Variants in MORC3 observed in about 807,000 individuals in gnomAD.
MORC3 encodes MORC family CW-type zinc finger 3.
MORC3 carries 31 observed loss-of-function variants against 109.1 expected under a neutral mutation model. The ratio of observed to expected loss-of-function variants is 0.28; its 90% CI spans 0.21 to 0.38. The LOEUF (loss-of-function observed/expected upper bound fraction) is 0.38, where lower values mean the gene tolerates loss of function less well. Ranked by LOEUF, MORC3 falls within the 10% of genes least tolerant of loss-of-function variation. MORC3 has a pLI of 1.00. For synonymous variants in MORC3, 395 were observed against 380.7 expected, an observed-to-expected ratio of 1.04 and a Z score of -0.44; for missense variants, 867 against 1,135.8, an observed-to-expected ratio of 0.76 and a Z score of 3.40.
chr21:36,337,156 G>A (rs528811420), intron 3 of MORC3, 150 bp downstream of exon 3: 9 of 894,368 alleles, frequency 1.0e-5, no homozygotes, highest in South Asian at 8.5e-5. Flanking sequence ...TTCTACTACT[G>A]GTAGATGATG....
chr21:36,366,064 A>G (rs1475832104), intron 14 of MORC3, among the ~76,000 whole-genome samples: 1 of 152,204 alleles, frequency 6.6e-6, no homozygotes, highest in African/African-American at 2.4e-5. Context: ...GATTCAGGGT[A>G]CATGCAGGTT....
Position 36,320,277 on chromosome 21 carries a change from C to A in MORC3, c.13C>A (p.Pro5Thr). 6.3e-7 allele frequency: 1 copy of A among 1,579,662 alleles called. No homozygotes were observed. Among genetic ancestry groups the A allele is most frequent in the Non-Finnish European group, 8.6e-7 (1 of 1,164,630 alleles). Residue 5 changes from proline (P) to threonine (T), a missense_variant, in exon 1 of 17, where the codon CCA becomes ACA. Pro to Thr is a conservative substitution (Grantham distance 38). This residue lies in a region of MORC3 where 33 missense variants were observed against 18.5 expected (regional missense o/e 1.78). Coordinates refer to ENST00000400485, the MANE Select transcript of MORC3 (RefSeq NM_015358.3). The stretch of plus-strand genomic sequence containing the variant: ...TAGCTCGCTCAAGATGGCGGCGCAG[C>A]CACCCCGCGGGATACGCCTCAGCGC... MAAQPPRGIRLSALC... is the reference protein window; with the variant it reads MAAQTPRGIRLSALC...
chr21:36,343,783 T>C (rs2085478198), intron 6 of MORC3, among the ~76,000 whole-genome samples: 1 of 152,128 alleles, frequency 6.6e-6, no homozygotes, highest in Non-Finnish European at 1.5e-5. Flanking sequence ...TATTATTCTT[T>C]AATCCCAAGC....
intron 2 of MORC3, among the ~76,000 whole-genome samples, chr21:36,335,508 G>T (rs894318709): frequency 6.6e-6 from 1 of 151,920 alleles, no homozygotes. Context: ...TAGAGACAGG[G>T]TTTCACCATA....
At position 36,370,639 on chromosome 21, in the gene MORC3, A is replaced by ATT. The variant is rs869169013; in HGVS notation, c.2508+794_2508+795dup. ...TATATATATATATATATATATATAT[A>ATT]TTTTTTTTTTTTTTTTTTTTTTTTT... On this transcript the variant is annotated intron_variant, in intron 15 of 16. Transcript: ENST00000400485. Among the ~76,000 whole-genome samples the ATT allele has an allele frequency of 4.9e-3, 182 of 37,522 alleles. 9 individuals are homozygous for ATT. The highest frequency in any genetic ancestry group is 8.3e-3 in the Non-Finnish European group (160 of 19,262). 24.6% of individuals were successfully genotyped at this position (37,522 alleles called of 152,430 possible).
At chr21:36,353,709 T>G (rs1390277374) in intron 9 of MORC3, among the ~76,000 whole-genome samples, 1 of 149,142 alleles carries the variant, frequency 6.7e-6, no homozygotes, top group Non-Finnish European at 1.5e-5. Flanking sequence ...GCCTCCCAAG[T>G]AGCTGGGATT....
intron 1 of MORC3, 77 bp from the exon 2 acceptor site, chr21:36,333,569 A>G: frequency 8.3e-7 from 1 of 1,199,964 alleles, no homozygotes; most frequent in Non-Finnish European, 1.2e-6. Flanking sequence ...GTTGTTTAAC[A>G]CAGGGATAAA....
rs114436581 is a variant in MORC3 at position 36,338,271 on chromosome 21, T to C, written c.460+325T>C. 3.9e-3 allele frequency among the ~76,000 whole-genome samples: 600 copies of C among 152,364 alleles called. 5 individuals are homozygous for C. Among genetic ancestry groups the C allele is most frequent in the African/African-American group, 0.013 (558 of 41,594 alleles). On this transcript the variant is annotated intron_variant, in intron 4 of 16. Transcript: ENST00000400485. ...GTGACCACAAAAGGCAGGATAACTT[T>C]AGGAAAATGCCTTTTGTATGAACAC...
At chr21:36,365,051 C>CAAAAAAAAA (rs72445251) in intron 14 of MORC3, among the ~76,000 whole-genome samples, 6 of 94,376 alleles carry the variant, frequency 6.4e-5, no homozygotes, top group South Asian at 4.1e-4. Context: ...GACTCCATCT[C>CAAAAAAAAA]AAAAAAAAAA....
In MORC3 at chr21:36,347,035, T is replaced by C. The variant is rs567192144; in HGVS notation, c.1005+2004T>C. Among the ~76,000 whole-genome samples, 14 of 146,274 alleles carry C rather than the reference T, an allele frequency of 9.6e-5. 1 individual carries two copies. In the East Asian group the frequency reaches 2.8e-3, roughly 30 times the overall value. The stretch of plus-strand genomic sequence containing the variant: ...AAAAAAAAAAAAAAAAACAAAGAAA[T>C]TGGGGCAAATAACAAATAGATGAAG... On this transcript the variant is annotated intron_variant, in intron 8 of 16. Coordinates refer to ENST00000400485, the MANE Select transcript of MORC3 (RefSeq NM_015358.3).
chr21:36,363,552 A>G (rs137957843), intron 13 of MORC3, among the ~76,000 whole-genome samples: 18 of 152,376 alleles, frequency 1.2e-4, no homozygotes, highest in Admixed American at 8.5e-4. Flanking sequence ...CAGTCATCTG[A>G]CAGTCTGTTT....
At position 36,336,998 on chromosome 21, in the gene MORC3, A is replaced by G. The variant is rs778361213; in HGVS notation, c.237A>G (p.Lys79=). Residue 79 remains lysine, a synonymous_variant, in exon 3 of 17, where the codon AAA becomes AAG. Coordinates refer to ENST00000400485, the MANE Select transcript of MORC3 (RefSeq NM_015358.3). ...GTATGACTTCTGATAAATTACATAA[A>G]ATGCTAAGGTAGGTAAAAATGTGCC... is the stretch of plus-strand genomic sequence containing the variant. The part of the protein sequence containing the change: ...GNGMTSDKLH[K]MLSFGFSDKV... 15 of 1,610,522 alleles carry G rather than the reference A, an allele frequency of 9.3e-6. No individual in the cohort carries two copies. The highest frequency in any genetic ancestry group is 1.2e-5 in the Non-Finnish European group (14 of 1,179,016).
chr21:36,338,013 TTTTTGCCTTC>T, intron 4 of MORC3, 67 bp downstream of exon 4: 1 of 1,538,656 alleles, frequency 6.5e-7, no homozygotes, highest in Non-Finnish European at 8.9e-7. Context: ...ACATTCTATG[TTTTTGCCTTC>T]TTCCAGATTA....
rs758101887 is a variant in MORC3 at position 36,364,096 on chromosome 21, A to G, written c.1456A>G (p.Asn486Asp). 6.2e-7 allele frequency: 1 copy of G among 1,612,422 alleles called. No homozygotes were observed. The highest frequency in any genetic ancestry group is 1.7e-5 in the Admixed American group (1 of 59,186). ...TGATGATTTTTCCCTCCAACAGATT[A>G]ATGCTGAACTGTTGTTTCGGCCAAC... ...IRQPEMIPRI[N>D]AELLFRPTAL... The change falls in exon 14 of 17, where the codon AAT becomes GAT. Residue 486 changes from asparagine to aspartate, a missense_variant. Transcript: ENST00000400485.
At chr21:36,328,466 C>G (rs145521448) in intron 1 of MORC3, among the ~76,000 whole-genome samples, 2,985 of 151,874 alleles carry the variant, frequency 0.02, 53 homozygotes, top group Admixed American at 0.043. Flanking sequence ...TTCAGCCTCC[C>G]CAGTAGCTGG....
intron 12 of MORC3, 149 bp from the exon 13 acceptor site, chr21:36,362,033 AG>A (rs2085722880): frequency 1.2e-6 from 1 of 829,882 alleles, no homozygotes; most frequent in African/African-American, 1.8e-5. Flanking sequence ...CTGAGATAAA[AG>A]GTAGAAAGTA....
intron 13 of MORC3, among the ~76,000 whole-genome samples, chr21:36,363,055 T>C (rs2085738485): frequency 6.6e-6 from 1 of 152,132 alleles, no homozygotes; most frequent in Non-Finnish European, 1.5e-5. Flanking sequence ...ACTTACTGTG[T>C]TAAAGAGCTT....
At chr21:36,365,254 G>A (rs1476941383) in intron 14 of MORC3, among the ~76,000 whole-genome samples, 1 of 152,090 alleles carries the variant, frequency 6.6e-6, no homozygotes, top group Non-Finnish European at 1.5e-5. Context: ...TTTGTGATGA[G>A]GTGGTACTTA....
intron 1 of MORC3, among the ~76,000 whole-genome samples, chr21:36,333,079 G>C (rs866751279): frequency 5.9e-5 from 9 of 152,090 alleles, no homozygotes; most frequent in South Asian, 2.1e-4. Flanking sequence ...GAGCCACTGC[G>C]CCCGGCCAAC....
Sources: allele counts gnomAD v4.1 joint callset (sites outside exome capture counted in the v4.1 genomes callset), GRCh38; gene constraint gnomAD v4.1.1; regional missense constraint gnomAD v4.1.1; transcripts MANE v1.5; gene names NCBI Gene and HGNC (gene_info 2026-07-23, HGNC 2026-07-21).